The following ENOX2 variants were observed in gnomAD, a reference collection of about 807,000 sequenced individuals.
ENOX2 encodes APK1 antigen.
In ENOX2, 36 loss-of-function variants were observed where a neutral mutation model predicts 45.0. That is an observed-to-expected ratio of 0.80 (90% CI 0.61 to 1.06). The LOEUF (loss-of-function observed/expected upper bound fraction) is 1.06, where lower values mean the gene tolerates loss of function less well. Ranked by LOEUF, ENOX2 falls within the 50% of genes least tolerant of loss-of-function variation. ENOX2 has a pLI of 0.00. For missense variants in ENOX2, 423 were observed against 462.5 expected (o/e 0.91, Z 0.78); for synonymous variants, 174 against 152.3 (o/e 1.14, Z -1.05).
intron 3 of ENOX2, among the ~76,000 whole-genome samples, chrX:130,775,633 G>A (rs188116848): frequency 1.2e-3 from 138 of 110,835 alleles, no homozygotes; most frequent in Non-Finnish European, 2.1e-3. Context: ...CTGCTCTGAA[G>A]GCTCACTCAT....
At chrX:130,665,403 T>C (rs188113891) in intron 9 of ENOX2, among the ~76,000 whole-genome samples, 1 of 112,220 alleles carries the variant, frequency 8.9e-6, no homozygotes, top group East Asian at 2.8e-4. Flanking sequence ...ACATTTTCAC[T>C]ACTAAGGTTT....
At chrX:130,725,262 T>A (rs1364463915) in intron 3 of ENOX2, among the ~76,000 whole-genome samples, 2 of 108,521 alleles carry the variant, frequency 1.8e-5, no homozygotes, top group Non-Finnish European at 3.8e-5. Context: ...TAAAAACAGG[T>A]CCCACTATCT....
At chrX:130,669,395 C>G (rs1252357025) in intron 7 of ENOX2, among the ~76,000 whole-genome samples, 1 of 112,420 alleles carries the variant, frequency 8.9e-6, no homozygotes. Flanking sequence ...TCCACAGTCA[C>G]TGTTTTAAAT....
intron 3 of ENOX2, among the ~76,000 whole-genome samples, chrX:130,707,545 C>G (rs1376681178): frequency 9.1e-6 from 1 of 109,458 alleles, no homozygotes; most frequent in Admixed American, 9.9e-5. Context: ...CACACACAGA[C>G]ACACACACAA....
intron 3 of ENOX2, among the ~76,000 whole-genome samples, chrX:130,733,871 G>A (rs1474424604): frequency 8.9e-6 from 1 of 112,124 alleles, no homozygotes; most frequent in East Asian, 2.8e-4. Context: ...TTATACTACA[G>A]TTTTGTAAAA....
intron 3 of ENOX2, among the ~76,000 whole-genome samples, chrX:130,733,933 G>A (rs1232513121): frequency 2.7e-5 from 3 of 112,023 alleles, no homozygotes; most frequent in Non-Finnish European, 3.8e-5. Flanking sequence ...TCTTACAACT[G>A]CATGTGAATC....
intron 6 of ENOX2, among the ~76,000 whole-genome samples, chrX:130,672,690 T>C (rs1352272257): frequency 8.9e-6 from 1 of 112,226 alleles, no homozygotes; most frequent in Non-Finnish European, 1.9e-5. Context: ...AGCCTGGAGA[T>C]AGATGGACAG....
Position 130,631,509 on chromosome X carries a change from T to C in ENOX2, c.1487A>G (p.Asn496Ser). Residue 496 changes from asparagine to serine, a missense_variant, in exon 13 of 15, where the codon AAC (asparagine) becomes AGC (serine). Transcript: ENST00000394363. ...ACGTTCAGATTTGATAGGACTGCTG[T>C]TCATGGTCTTCTCAAGAGGGTATTC... ...DSEYPLEKTM[N>S]SSPIKSEREA... The C allele has an allele frequency of 8.3e-7, 1 of 1,205,936 alleles. No individual in the cohort carries two copies. Among genetic ancestry groups the C allele is most frequent in the Non-Finnish European group, 1.1e-6 (1 of 890,258 alleles).
At chrX:130,661,914 A>G (rs2036701646) in intron 9 of ENOX2, among the ~76,000 whole-genome samples, 1 of 112,422 alleles carries the variant, frequency 8.9e-6, no homozygotes, top group South Asian at 3.7e-4. Context: ...CTTTTCCTCT[A>G]GCCCCATGGT....
rs73635939 is a variant in ENOX2, at chrX:130,715,838, T to C, written c.-38-12584A>G. ...CTACATCTGAGAAATGGGATAATAATAGTACCCATCTTATAGAGCTATAGT... is the reference window on the plus strand; with the variant it reads ...CTACATCTGAGAAATGGGATAATAACAGTACCCATCTTATAGAGCTATAGT... On this transcript the variant is annotated intron_variant, in intron 3 of 14. Transcript: ENST00000394363. Among the ~76,000 whole-genome samples the C allele has an allele frequency of 4.6e-3, 511 of 112,109 alleles. 5 individuals carry two copies. Among genetic ancestry groups the C allele is most frequent in the African/African-American group, 0.016 (493 of 30,853 alleles).
rs73635931 is a variant in ENOX2, at chrX:130,632,263, C to A, written c.1420-687G>T. Reference sequence around the variant, plus strand: ...TGAGGACATTATCAGTTAGAATATTCCTGACTTTACAGCAAGAAATGACCA... The same window carrying A: ...TGAGGACATTATCAGTTAGAATATTACTGACTTTACAGCAAGAAATGACCA... On this transcript the variant is annotated intron_variant, in intron 12 of 14. Coordinates refer to ENST00000394363, the MANE Select transcript of ENOX2 (RefSeq NM_006375.4). 3.2e-3 allele frequency among the ~76,000 whole-genome samples: 340 copies of A among 106,624 alleles called. 2 individuals carry two copies. Among genetic ancestry groups the A allele is most frequent in the African/African-American group, 0.011 (330 of 29,229 alleles). The allele number at this position is 106,624 out of a possible 115,157, so 92.6% of individuals were successfully genotyped here.
Position 130,697,067 on chromosome X carries a change from C to G in ENOX2, c.97+6053G>C, listed in dbSNP as rs1203604833. 4.5e-5 allele frequency among the ~76,000 whole-genome samples: 5 copies of G among 111,031 alleles called. No homozygotes were observed. The East Asian group carries it at 1.4e-3, about 31-fold the overall frequency. On this transcript the variant is annotated intron_variant, in intron 4 of 14. Coordinates refer to ENST00000394363, the MANE Select transcript of ENOX2 (RefSeq NM_006375.4). ...TACTGTAATCTTTCTTATAAGCTGC[C>G]TCAAAGTCTTTGCTGAATGAGGTGA... is the stretch of plus-strand genomic sequence containing the variant.
chrX:130,654,566 A>G (rs939201709), intron 10 of ENOX2, among the ~76,000 whole-genome samples: 2 of 112,359 alleles, frequency 1.8e-5, no homozygotes, highest in Admixed American at 1.9e-4. Context: ...CTGGCTCACA[A>G]TGAGCGGGAT....
chrX:130,784,673 C>T (rs987715718), intron 2 of ENOX2, among the ~76,000 whole-genome samples: 9 of 106,194 alleles, frequency 8.5e-5, no homozygotes, highest in Admixed American at 4.0e-4. Context: ...CTGCAACCCC[C>T]ACCTCCCGGG....
chrX:130,652,880 A>G (rs1475874556), intron 10 of ENOX2, among the ~76,000 whole-genome samples: 4 of 112,288 alleles, frequency 3.6e-5, no homozygotes, highest in African/African-American at 1.3e-4. Context: ...GGAGACAGGA[A>G]TGCAATAGAT....
chrX:130,672,404 G>A (rs1009231046), intron 6 of ENOX2, among the ~76,000 whole-genome samples: 1 of 112,039 alleles, frequency 8.9e-6, no homozygotes, highest in African/African-American at 3.2e-5. Flanking sequence ...CAGGGCCCCC[G>A]CACACCATCC....
intron 6 of ENOX2, among the ~76,000 whole-genome samples, chrX:130,675,996 A>G (rs1378534325): frequency 6.2e-5 from 7 of 112,293 alleles, no homozygotes; most frequent in Non-Finnish European, 1.9e-5. Flanking sequence ...TTTTTAGAAA[A>G]AGGAAGAATG....
chrX:130,779,710 A>T (rs2039930103), intron 3 of ENOX2, among the ~76,000 whole-genome samples: 1 of 112,024 alleles, frequency 8.9e-6, no homozygotes, highest in Non-Finnish European at 1.9e-5. Flanking sequence ...ATTCAATCAA[A>T]TATGTGATCA....
chrX:130,844,362 C>T (rs1484669855), intron 2 of ENOX2, among the ~76,000 whole-genome samples: 1 of 111,005 alleles, frequency 9.0e-6, no homozygotes, highest in East Asian at 2.8e-4. Context: ...GTAAAGGCCA[C>T]TATATTTTGT....
Sources: allele counts gnomAD v4.1 joint callset (sites outside exome capture counted in the v4.1 genomes callset), GRCh38; gene constraint gnomAD v4.1.1; transcripts MANE v1.5; gene names NCBI Gene and HGNC (gene_info 2026-07-23, HGNC 2026-07-21).